The following OLFML1 variants were observed in gnomAD, a reference collection of about 807,000 sequenced individuals.
OLFML1 encodes olfactomedin-like protein 1.
In OLFML1, 33 loss-of-function variants were observed where a neutral mutation model predicts 37.3. The ratio of observed to expected loss-of-function variants is 0.88; its 90% CI spans 0.67 to 1.18. The LOEUF (loss-of-function observed/expected upper bound fraction) is 1.18. Ranked by LOEUF, OLFML1 falls within the 50% of genes most tolerant of loss-of-function variation. OLFML1 has a pLI of 0.00. For synonymous variants in OLFML1, 186 were observed against 181.3 expected (o/e 1.03, Z -0.21); for missense variants, 545 against 483.7 (o/e 1.13, Z -1.19).
intron 2 of OLFML1, among the ~76,000 whole-genome samples, chr11:7,507,939 T>A (rs1360091318): frequency 6.6e-6 from 1 of 152,228 alleles, no homozygotes; most frequent in African/African-American, 2.4e-5. Flanking sequence ...AATTAACACA[T>A]ATTGTGAATG....
intron 2 of OLFML1, among the ~76,000 whole-genome samples, chr11:7,508,814 T>TGG (rs1848816549): frequency 6.6e-6 from 1 of 152,338 alleles, no homozygotes; most frequent in East Asian, 1.9e-4. Context: ...AGCACCATTC[T>TGG]GGAAACATTG....
At position 7,510,610 on chromosome 11, in the gene OLFML1, A is replaced by C. The variant is rs952876599; in HGVS notation, c.*422A>C. ...GCTGAAGCTCTTCCCTCTTTTTCAAATGTCTATTGATATTCTCCCATTTTC... is the reference window on the plus strand; with the variant it reads ...GCTGAAGCTCTTCCCTCTTTTTCAACTGTCTATTGATATTCTCCCATTTTC... On this transcript the variant is annotated 3_prime_UTR_variant, in exon 3 of 3. Transcript: ENST00000329293. 2.5e-5 allele frequency: 4 copies of C among 158,328 alleles called. No individual in the cohort carries two copies. Among genetic ancestry groups the C allele is most frequent in the African/African-American group, 9.6e-5 (4 of 41,658 alleles). 9.8% of individuals were successfully genotyped at this position (158,328 alleles called of 1,614,324 possible). A position where few individuals can be genotyped will look rare whatever the true frequency, so the allele number is the denominator to read the frequency against.
intron 2 of OLFML1, among the ~76,000 whole-genome samples, chr11:7,496,730 A>G (rs1023945627): frequency 3.3e-5 from 5 of 152,136 alleles, no homozygotes; most frequent in African/African-American, 1.2e-4. Flanking sequence ...GCAAAAAACC[A>G]GCTCAGTCTT....
chr11:7,499,397 C>T (rs1444259250), intron 2 of OLFML1, among the ~76,000 whole-genome samples: 1 of 152,220 alleles, frequency 6.6e-6, no homozygotes, highest in African/African-American at 2.4e-5. Flanking sequence ...ATTATCTCTT[C>T]TCAAGAGAAG....
At chr11:7,498,868 C>T (rs1037198783) in intron 2 of OLFML1, among the ~76,000 whole-genome samples, 7 of 152,256 alleles carry the variant, frequency 4.6e-5, no homozygotes, top group Middle Eastern at 3.4e-3. Context: ...GTTATTAAGA[C>T]GTGACTTCTC....
intron 2 of OLFML1, among the ~76,000 whole-genome samples, chr11:7,500,056 C>T (rs1228463391): frequency 2.0e-5 from 3 of 152,116 alleles, no homozygotes; most frequent in Admixed American, 6.5e-5. Context: ...CCAAGCCCAA[C>T]TAATTTTTGT....
chr11:7,488,291 G>T lies in OLFML1; in HGVS notation c.294G>T (p.Glu98Asp), dbSNP rs188958743. The change falls in exon 2 of 3, where the codon GAG becomes GAT. Residue 98 changes from glutamate (E) to aspartate (D), a missense_variant. Coordinates refer to ENST00000329293, the MANE Select transcript of OLFML1 (RefSeq NM_198474.4). Reference protein sequence around the residue: ...LALRVERAQREIDYIQYLREA... With the variant: ...LALRVERAQRDIDYIQYLREA... ...TGAGAGTTGAACGTGCCCAACGGGA[G>T]ATTGACTACATACAATACCTTCGAG... 81 of 1,614,140 alleles carry T rather than the reference G, an allele frequency of 5.0e-5. No individual in the cohort carries two copies. In the East Asian group the frequency reaches 1.7e-3, roughly 33 times the overall value.
intron 2 of OLFML1, among the ~76,000 whole-genome samples, chr11:7,499,604 C>G (rs932967965): frequency 6.6e-6 from 1 of 152,184 alleles, no homozygotes; most frequent in African/African-American, 2.4e-5. Flanking sequence ...TGGGGAGACA[C>G]ATAGAGCCAA....
rs1848854786 is a variant in OLFML1 at position 7,511,091 on chromosome 11, AATACGT to A, written c.*906_*911del. ...TTTTCCATTGCCCAAGGAAGCATCA[AATACGT>A]ATGTTTGTTCACCTACTCTTATAGT... On this transcript the variant is annotated 3_prime_UTR_variant, in exon 3 of 3. Transcript: ENST00000329293. 6.6e-6 allele frequency: 1 copy of A among 152,244 alleles called. No homozygotes were observed. Among genetic ancestry groups the A allele is most frequent in the African/African-American group, 2.4e-5 (1 of 41,458 alleles). 9.4% of individuals were successfully genotyped at this position (152,244 alleles called of 1,614,324 possible). A position where few individuals can be genotyped will look rare whatever the true frequency, so the allele number is the denominator to read the frequency against.
At chr11:7,489,751 G>C (rs1055282967) in intron 2 of OLFML1, among the ~76,000 whole-genome samples, 11 of 152,160 alleles carry the variant, frequency 7.2e-5, no homozygotes, top group African/African-American at 2.7e-4. Context: ...AAAACTAAAT[G>C]ATGAGTGAGA....
intron 2 of OLFML1, among the ~76,000 whole-genome samples, chr11:7,505,762 T>C (rs558888920): frequency 1.3e-5 from 2 of 152,222 alleles, no homozygotes; most frequent in Admixed American, 1.3e-4. Context: ...GCTCGGGAAG[T>C]TGAGGCTACA....
chr11:7,497,245 T>C (rs925473054), intron 2 of OLFML1, among the ~76,000 whole-genome samples: 1 of 152,192 alleles, frequency 6.6e-6, no homozygotes. Context: ...TAATAATATG[T>C]ACCAGATGAT....
intron 2 of OLFML1, 124 bp from the exon 3 acceptor site, chr11:7,509,274 G>A: frequency 1.4e-6 from 1 of 720,246 alleles, no homozygotes; most frequent in South Asian, 2.0e-5. Flanking sequence ...CAGTAGAACT[G>A]AAAATATTCC....
At position 7,510,018 on chromosome 11, in the gene OLFML1, C is replaced by A. The variant is rs1848840410; in HGVS notation, c.1039C>A (p.Pro347Thr). The change falls in exon 3 of 3, where the codon CCA becomes ACA. Residue 347 changes from proline to threonine, a missense_variant. Coordinates refer to ENST00000329293, the MANE Select transcript of OLFML1 (RefSeq NM_198474.4). ...TCATCGCATCACCTGCATCTATGAT[C>A]CACTGGGCACTATCAGTGAGGAGGA... Reference protein sequence around the residue: ...GPHRITCIYDPLGTISEEDLP... With the variant: ...GPHRITCIYDTLGTISEEDLP... The A allele has an allele frequency of 1.1e-5, 18 of 1,614,254 alleles. No individual in the cohort carries two copies. Among genetic ancestry groups the A allele is most frequent in the Non-Finnish European group, 1.4e-5 (17 of 1,180,044 alleles).
At chr11:7,494,372 C>T (rs557583414) in intron 2 of OLFML1, among the ~76,000 whole-genome samples, 1 of 152,326 alleles carries the variant, frequency 6.6e-6, no homozygotes, top group African/African-American at 2.4e-5. Flanking sequence ...GTATTATGTA[C>T]CACACATAAT....
chr11:7,509,345 G>C, intron 2 of OLFML1, 53 bp from the exon 3 acceptor site: 2 of 1,390,256 alleles, frequency 1.4e-6, no homozygotes, highest in Non-Finnish European at 9.9e-7. Context: ...CTTCCAGAAA[G>C]CAGACAGCTC....
At chr11:7,497,408 T>C (rs1214559437) in intron 2 of OLFML1, among the ~76,000 whole-genome samples, 5 of 152,276 alleles carry the variant, frequency 3.3e-5, no homozygotes, top group Admixed American at 3.3e-4. Context: ...AGACAGAATA[T>C]AATAAGTACT....
intron 2 of OLFML1, among the ~76,000 whole-genome samples, chr11:7,505,840 A>C (rs928171587): frequency 3.0e-4 from 45 of 151,462 alleles, no homozygotes; most frequent in African/African-American, 1.0e-3. Context: ...CACCTGTCTT[A>C]AAAAAAATGT....
chr11:7,509,119 G>A (rs1386172962), intron 2 of OLFML1, among the ~76,000 whole-genome samples: 1 of 152,184 alleles, frequency 6.6e-6, no homozygotes, highest in Non-Finnish European at 1.5e-5. Context: ...AACAATCTGT[G>A]AAAATAAGGA....
Sources: gnomAD v4.1 joint callset for allele counts (sites outside exome capture counted in the v4.1 genomes callset) on GRCh38, gnomAD v4.1.1 for gene constraint, MANE v1.5 for transcripts, NCBI Gene and HGNC (gene_info 2026-07-23, HGNC 2026-07-21) for gene names.